Variants in CAMTA1 observed in about 807,000 individuals in gnomAD.
CAMTA1 encodes the protein calmodulin-binding transcription activator 1.
A neutral mutation model predicts 170.9 loss-of-function variants in CAMTA1; 27 were observed. That is an observed-to-expected ratio of 0.16 (90% CI 0.12 to 0.22). CAMTA1 has a LOEUF of 0.22. Ranked by LOEUF, CAMTA1 falls within the 10% of genes least tolerant of loss-of-function variation. CAMTA1 has a pLI of 1.00. For synonymous variants in CAMTA1, 833 were observed against 891.5 expected, an observed-to-expected ratio of 0.93 and a Z score of 1.17; for missense variants, 1,619 against 2,217.2, an observed-to-expected ratio of 0.73 and a Z score of 5.42.
chr1:7,588,027 G>A lies in CAMTA1; in HGVS notation c.511-52373G>A, dbSNP rs916456648. Among the ~76,000 whole-genome samples the A allele has an allele frequency of 5.3e-5, 8 of 152,142 alleles. No homozygotes were observed. Among genetic ancestry groups the A allele is most frequent in the Non-Finnish European group, 1.0e-4 (7 of 68,038 alleles). On this transcript the variant is annotated intron_variant, in intron 6 of 22. Transcript: ENST00000303635. This position sits in a 1 kb window ranked among gnomAD's most constrained non-coding sequence, Gnocchi z 5.8. The stretch of plus-strand genomic sequence containing the variant: ...GCCTGGCCCTGGCCATTCATTCCTC[G>A]TTCAAGTGCGTGTGGCAGCCTCCAC...
At position 7,633,519 on chromosome 1, in the gene CAMTA1, C is replaced by G. The variant is rs1451704977; in HGVS notation, c.511-6881C>G. On this transcript the variant is annotated intron_variant, in intron 6 of 22. Transcript: ENST00000303635. The surrounding 1 kb of genome is among the most constrained non-coding windows in gnomAD (Gnocchi z 4.1). ...CCCGCACCCTAGTCTCTGTCTGTCC[C>G]TCTAGAAGACATGCCTGGGGGTTCT... Among the ~76,000 whole-genome samples the G allele has an allele frequency of 6.6e-6, 1 of 152,218 alleles. No homozygotes were observed. Among genetic ancestry groups the G allele is most frequent in the Non-Finnish European group, 1.5e-5 (1 of 68,036 alleles).
At chr1:7,697,185 A>G (rs1185219457) in intron 11 of CAMTA1, among the ~76,000 whole-genome samples, 1 of 152,176 alleles carries the variant, frequency 6.6e-6, no homozygotes, top group Non-Finnish European at 1.5e-5. Flanking sequence ...ACCCTGAAAG[A>G]TCTGGAGCAC....
At position 7,585,751 on chromosome 1, in the gene CAMTA1, G is replaced by A. The variant is rs958273070; in HGVS notation, c.511-54649G>A. Among the ~76,000 whole-genome samples, 1 of 150,918 alleles carries A rather than the reference G, an allele frequency of 6.6e-6. No homozygotes were observed. Among genetic ancestry groups the A allele is most frequent in the African/African-American group, 2.5e-5 (1 of 40,302 alleles). ...CCCAGTTCATACATCCTAGAGGGGG[G>A]CTCTCTTGTGGACAGACAGGCCAGA... On this transcript the variant is annotated intron_variant, in intron 6 of 22. Coordinates refer to ENST00000303635, the MANE Select transcript of CAMTA1 (RefSeq NM_015215.4). The surrounding 1 kb of genome is among the most constrained non-coding windows in gnomAD (Gnocchi z 4.8).
intron 1 of CAMTA1, among the ~76,000 whole-genome samples, chr1:6,800,809 C>T (rs1301255923): frequency 3.3e-5 from 5 of 152,158 alleles, no homozygotes; most frequent in South Asian, 4.1e-4. Context: ...ATAGGCCTCG[C>T]GTTTGGAGAG....
intron 3 of CAMTA1, among the ~76,000 whole-genome samples, chr1:6,891,613 A>G (rs1371534915): frequency 2.0e-5 from 3 of 152,184 alleles, no homozygotes; most frequent in African/African-American, 7.2e-5. Flanking sequence ...GCCATCTCAT[A>G]GCTACTTCTC....
intron 4 of CAMTA1, among the ~76,000 whole-genome samples, chr1:7,103,666 C>A (rs1573058496): frequency 6.8e-6 from 1 of 146,750 alleles, no homozygotes; most frequent in East Asian, 2.1e-4. Context: ...CATGTACACG[C>A]AACTACACAC....
At chr1:7,523,812 G>T (rs1251349460) in intron 6 of CAMTA1, among the ~76,000 whole-genome samples, 1 of 152,024 alleles carries the variant, frequency 6.6e-6, no homozygotes, top group Admixed American at 6.6e-5. Flanking sequence ...GAACCTGGGA[G>T]GCAGAGCTTG....
chr1:7,169,921 A>G lies in CAMTA1; in HGVS notation c.302+78550A>G, dbSNP rs533261828. Among the ~76,000 whole-genome samples, 206 of 152,236 alleles carry G rather than the reference A, an allele frequency of 1.4e-3. 1 individual carries two copies. The highest frequency in any genetic ancestry group is 4.7e-3 in the African/African-American group (197 of 41,540). ...TCTGGTTATGTTCTTTTCACTCCCA[A>G]TATTATCCTTTTTAATCAGAATTTT... On this transcript the variant is annotated intron_variant, in intron 4 of 22. Coordinates refer to ENST00000303635, the MANE Select transcript of CAMTA1 (RefSeq NM_015215.4).
chr1:6,970,842 G>C lies in CAMTA1; in HGVS notation c.235-120462G>C, dbSNP rs184729449. Among the ~76,000 whole-genome samples, 1 of 152,186 alleles carries C rather than the reference G, an allele frequency of 6.6e-6. No homozygotes were observed. On this transcript the variant is annotated intron_variant, in intron 3 of 22. Coordinates refer to ENST00000303635, the MANE Select transcript of CAMTA1 (RefSeq NM_015215.4). The surrounding 1 kb of genome is among the most constrained non-coding windows in gnomAD (Gnocchi z 4.4). ...ACAACCTCAGGAGAATGAACAGCCA[G>C]GTGTTCCCTGAGGCCAGTGGTAGTG...
intron 6 of CAMTA1, among the ~76,000 whole-genome samples, chr1:7,541,199 G>A (rs953158092): frequency 1.3e-5 from 2 of 152,128 alleles, no homozygotes; most frequent in African/African-American, 2.4e-5. Flanking sequence ...ATGTCCTCAC[G>A]TTTTGACGCT....
At chr1:7,644,652 A>C (rs571956422) in intron 7 of CAMTA1, among the ~76,000 whole-genome samples, 5 of 152,196 alleles carry the variant, frequency 3.3e-5, no homozygotes, top group Non-Finnish European at 7.4e-5. Context: ...TGGAAAGAGG[A>C]GAAAATAAGG....
At chr1:7,107,239 A>C (rs1251118502) in intron 4 of CAMTA1, among the ~76,000 whole-genome samples, 1 of 148,654 alleles carries the variant, frequency 6.7e-6, no homozygotes, top group African/African-American at 2.5e-5. Flanking sequence ...CGGCACACGC[A>C]GGAGAGCCTG....
chr1:6,940,102 G>T (rs1385735535), intron 3 of CAMTA1, among the ~76,000 whole-genome samples: 1 of 152,264 alleles, frequency 6.6e-6, no homozygotes, highest in Non-Finnish European at 1.5e-5. Context: ...TCAACTAGGT[G>T]CTGGGATGGA....
At chr1:6,799,951 T>C (rs1643495638) in intron 1 of CAMTA1, among the ~76,000 whole-genome samples, 1 of 152,198 alleles carries the variant, frequency 6.6e-6, no homozygotes, top group Non-Finnish European at 1.5e-5. Flanking sequence ...TCTGTATAAC[T>C]GTATCTTTTC....
intron 5 of CAMTA1, among the ~76,000 whole-genome samples, chr1:7,355,838 C>T (rs558190851): frequency 0.19 from 21 of 112 alleles, no homozygotes; most frequent in South Asian, 0.5. Flanking sequence ...TGGTTCTTGG[C>T]GTTGCACATC....
intron 11 of CAMTA1, among the ~76,000 whole-genome samples, chr1:7,707,458 C>G (rs1258136085): frequency 6.6e-6 from 1 of 152,152 alleles, no homozygotes; most frequent in African/African-American, 2.4e-5. Context: ...TCAGTGCAGC[C>G]TCCACCTCCC....
At chr1:7,154,430 G>A (rs1646750410) in intron 4 of CAMTA1, among the ~76,000 whole-genome samples, 1 of 152,018 alleles carries the variant, frequency 6.6e-6, no homozygotes, top group African/African-American at 2.4e-5. Flanking sequence ...AGCTCTCCAG[G>A]CCTCCTCCTC....
intron 6 of CAMTA1, among the ~76,000 whole-genome samples, chr1:7,480,439 T>G (rs1039649086): frequency 4.6e-5 from 7 of 151,600 alleles, no homozygotes; most frequent in East Asian, 1.9e-4. Flanking sequence ...CAGAGAGAGA[T>G]ATCCTCGCCC....
intron 6 of CAMTA1, among the ~76,000 whole-genome samples, chr1:7,602,002 G>A (rs1345660655): frequency 1.5e-5 from 2 of 135,872 alleles, no homozygotes; most frequent in Non-Finnish European, 3.2e-5. Context: ...GAGAGGGAGA[G>A]GGAGAGGGAG....
Sources: gnomAD v4.1 joint callset for allele counts (sites outside exome capture counted in the v4.1 genomes callset) on GRCh38, gnomAD v4.1.1 for gene constraint, Gnocchi (gnomAD v3.1) non-coding constraint, MANE v1.5 for transcripts, NCBI Gene and HGNC (gene_info 2026-07-23, HGNC 2026-07-21) for gene names.